ZBTB2: variants seen among roughly 807,000 people sequenced by gnomAD.
The protein encoded by ZBTB2 is zinc finger and BTB domain-containing protein 2.
ZBTB2 carries 2 observed loss-of-function variants against 39.5 expected under a neutral mutation model. The ratio of observed to expected loss-of-function variants is 0.05; its 90% CI spans 0.02 to 0.16. The LOEUF (loss-of-function observed/expected upper bound fraction) is 0.16. Among genes scored for constraint, ZBTB2 ranks in the 10% least tolerant of loss-of-function variants. The pLI is 1.00. For synonymous variants in ZBTB2, 251 were observed against 256.6 expected, an observed-to-expected ratio of 0.98 and a Z score of 0.21; for missense variants, 391 against 653.0, an observed-to-expected ratio of 0.60 and a Z score of 4.37.
intron 1 of ZBTB2, among the ~76,000 whole-genome samples, chr6:151,373,871 A>AAAAAAC (rs1778844303): frequency 8.6e-6 from 1 of 116,578 alleles, no homozygotes; most frequent in Non-Finnish European, 1.7e-5. Flanking sequence ...AAAAAAAAAA[A>AAAAAAC]AAAAAACCAG....
intron 1 of ZBTB2, among the ~76,000 whole-genome samples, chr6:151,387,615 C>A (rs911976686): frequency 6.6e-6 from 1 of 152,180 alleles, no homozygotes; most frequent in African/African-American, 2.4e-5. Context: ...TTAGCGAGTG[C>A]CCCCTGTTTA....
At position 151,365,477 on chromosome 6, in the gene ZBTB2, T is replaced by C. The variant is rs747240439; in HGVS notation, c.*44A>G. The C allele has an allele frequency of 1.2e-5, 19 of 1,553,292 alleles. No individual in the cohort carries two copies. The highest frequency in any genetic ancestry group is 2.2e-5 in the East Asian group (1 of 44,514). ...CTGAATTCAGGGAAGGGAGGGAAGA[T>C]AGTCTTTGTAAAAATGAGAGTTTTT... On this transcript the variant is annotated 3_prime_UTR_variant, in exon 3 of 3. Transcript: ENST00000325144. The surrounding 1 kb of genome is among the most constrained non-coding windows in gnomAD (Gnocchi z 5.6).
intron 1 of ZBTB2, among the ~76,000 whole-genome samples, chr6:151,388,373 T>G (rs556217388): frequency 6.6e-6 from 1 of 152,300 alleles, no homozygotes; most frequent in South Asian, 2.1e-4. Context: ...CCTCTAAAGC[T>G]GCTGATCCCA....
chr6:151,381,676 T>C (rs755007498), intron 1 of ZBTB2, among the ~76,000 whole-genome samples: 3 of 152,226 alleles, frequency 2.0e-5, no homozygotes, highest in Admixed American at 6.5e-5. Flanking sequence ...TCCCATACTC[T>C]GGTGCTAACC....
chr6:151,368,598 C>T (rs1001870099), intron 2 of ZBTB2, among the ~76,000 whole-genome samples: 8 of 151,768 alleles, frequency 5.3e-5, no homozygotes, highest in East Asian at 1.9e-4. Flanking sequence ...GGATTACAGG[C>T]GTGTGCCACC....
intron 1 of ZBTB2, among the ~76,000 whole-genome samples, chr6:151,382,814 C>G (rs1779066134): frequency 6.6e-6 from 1 of 152,086 alleles, no homozygotes; most frequent in African/African-American, 2.4e-5. Flanking sequence ...CTCGGCCTCC[C>G]AAAGTGCTGG....
intron 2 of ZBTB2, among the ~76,000 whole-genome samples, chr6:151,367,801 A>C (rs1437046992): frequency 6.6e-6 from 1 of 152,236 alleles, no homozygotes; most frequent in Non-Finnish European, 1.5e-5. Flanking sequence ...AAAGCCGTTG[A>C]AGATGCTATT....
At chr6:151,375,719 C>G (rs971219914) in intron 1 of ZBTB2, among the ~76,000 whole-genome samples, 1 of 152,132 alleles carries the variant, frequency 6.6e-6, no homozygotes, top group African/African-American at 2.4e-5. Context: ...CACGCACCAC[C>G]AAACCTGGCT....
intron 1 of ZBTB2, among the ~76,000 whole-genome samples, chr6:151,374,491 C>T (rs1402441776): frequency 6.6e-6 from 1 of 152,168 alleles, no homozygotes; most frequent in Admixed American, 6.6e-5. Context: ...GGCTGCCTGA[C>T]ATTGCCTGGT....
chr6:151,369,619 C>T (rs2114854789), intron 2 of ZBTB2, among the ~76,000 whole-genome samples: 1 of 152,140 alleles, frequency 6.6e-6, no homozygotes, highest in East Asian at 1.9e-4. Context: ...CCACTGCACG[C>T]AGCCTTAAAA....
chr6:151,390,582 C>A (rs1161060453), intron 1 of ZBTB2, among the ~76,000 whole-genome samples: 5 of 150,688 alleles, frequency 3.3e-5, no homozygotes, highest in African/African-American at 1.2e-4. Flanking sequence ...GAGGGATGAG[C>A]GCGCGCGAGA....
rs532438383 is a variant in ZBTB2, at chr6:151,390,355, T to TGTCCCC, written c.-13+1059_-13+1064dup. Among the ~76,000 whole-genome samples, 539 of 144,222 alleles carry TGTCCCC rather than the reference T, an allele frequency of 3.7e-3. 2 individuals are homozygous for TGTCCCC. The highest frequency in any genetic ancestry group is 6.2e-3 in the Non-Finnish European group (409 of 65,736). The allele number at this position is 144,222 out of a possible 152,430, so 94.6% of individuals were successfully genotyped here. On this transcript the variant is annotated intron_variant, in intron 1 of 2. Transcript: ENST00000325144. ...GGTCTCGCCGGCCCCGCCCCCTCCC[T>TGTCCCC]GTCCCCGTCCCCGAGGGGCTGAGGG...
chr6:151,386,851 AG>A (rs1352865515), intron 1 of ZBTB2, among the ~76,000 whole-genome samples: 1 of 150,058 alleles, frequency 6.7e-6, no homozygotes, highest in Non-Finnish European at 1.5e-5. Flanking sequence ...ACCAAAATGG[AG>A]AAATTTTAGA....
At position 151,373,617 on chromosome 6, in the gene ZBTB2, T is replaced by A; in HGVS notation, c.21A>T (p.Gly7=). MDLANH[G]LILLQQLNAQ... The stretch of plus-strand genomic sequence containing the variant: ...CGTTTAACTGTTGCAGTAGAATAAG[T>A]CCATGGTTGGCCAAATCCATTTTTT... The change falls in exon 2 of 3, where the codon GGA becomes GGT. Residue 7 remains glycine (G), a synonymous_variant. Transcript: ENST00000325144. 1 of 1,610,768 alleles carries A rather than the reference T, an allele frequency of 6.2e-7. No homozygotes were observed. Among genetic ancestry groups the A allele is most frequent in the Non-Finnish European group, 8.5e-7 (1 of 1,179,178 alleles).
intron 2 of ZBTB2, among the ~76,000 whole-genome samples, chr6:151,372,489 G>C (rs144394456): frequency 6.6e-6 from 1 of 152,084 alleles, no homozygotes; most frequent in Admixed American, 6.5e-5. Context: ...CACATGGGCT[G>C]GGGGCAGGGT....
Position 151,382,838 on chromosome 6 carries a change from A to G in ZBTB2, c.-13+8582T>C, listed in dbSNP as rs755749746. On this transcript the variant is annotated intron_variant, in intron 1 of 2. Coordinates refer to ENST00000325144, the MANE Select transcript of ZBTB2 (RefSeq NM_020861.3). ...CCAAAGTGCTGGGACTATGGGCGTG[A>G]GCCACTGGACCTTGCCCTGAAAAAA... 1.3e-5 allele frequency among the ~76,000 whole-genome samples: 2 copies of G among 151,934 alleles called. 1 individual carries two copies. Among genetic ancestry groups the G allele is most frequent in the Non-Finnish European group, 2.9e-5 (2 of 68,004 alleles).
At chr6:151,367,704 T>C (rs948302380) in intron 2 of ZBTB2, among the ~76,000 whole-genome samples, 2 of 152,240 alleles carry the variant, frequency 1.3e-5, no homozygotes, top group African/African-American at 4.8e-5. Flanking sequence ...CAATCCTGTA[T>C]GGTAGATAAA....
Position 151,366,789 on chromosome 6 carries a change from C to T in ZBTB2, c.277G>A (p.Val93Ile). The change falls in exon 3 of 3, where the codon GTT becomes ATT. Residue 93 changes from valine to isoleucine, a missense_variant. Physicochemically the swap from Val to Ile is conservative, Grantham distance 29. Transcript: ENST00000325144. This position sits in a 1 kb window ranked among gnomAD's most constrained non-coding sequence, Gnocchi z 7.1. ...AACTTGATGCCCTGTTCTAATCGAA[C>T]CGGGTCGATGAGCTGAGGCGCCATC... ...GKMAPQLIDP[V>I]RLEQGIKFLH... The T allele has an allele frequency of 6.2e-7, 1 of 1,614,102 alleles. No homozygotes were observed. Among genetic ancestry groups the T allele is most frequent in the Non-Finnish European group, 8.5e-7 (1 of 1,180,024 alleles).
chr6:151,382,039 G>T (rs1354168036), intron 1 of ZBTB2, among the ~76,000 whole-genome samples: 1 of 152,118 alleles, frequency 6.6e-6, no homozygotes, highest in African/African-American at 2.4e-5. Context: ...AGGCTATATG[G>T]TAATCTACTG....
Sources: gnomAD v4.1 joint callset for allele counts (sites outside exome capture counted in the v4.1 genomes callset) on GRCh38, gnomAD v4.1.1 for gene constraint, Gnocchi (gnomAD v3.1) non-coding constraint, MANE v1.5 for transcripts, NCBI Gene and HGNC (gene_info 2026-07-23, HGNC 2026-07-21) for gene names.